The following PCDHA1 variants were observed in gnomAD, a reference collection of about 807,000 sequenced individuals.
PCDHA1 encodes the protein protocadherin alpha 1.
A neutral mutation model predicts 61.3 loss-of-function variants in PCDHA1; 42 were observed. The observed-to-expected ratio is 0.69, with a 90% CI of 0.54 to 0.89. PCDHA1 has a LOEUF of 0.89. Among genes scored for constraint, PCDHA1 ranks in the 40% least tolerant of loss-of-function variants. The probability of loss-of-function intolerance (pLI) is 0.00; values close to 1 mark genes in which losing one functional copy is unlikely to be tolerated. For synonymous variants in PCDHA1, 610 were observed against 553.8 expected (o/e 1.10, Z -1.43); for missense variants, 1,256 against 1,235.3 (o/e 1.02, Z -0.25).
chr5:140,842,094 G>C (rs2150329211), intron 1 of PCDHA1: 1 of 1,613,884 alleles, frequency 6.2e-7, no homozygotes, highest in South Asian at 1.1e-5. Context: ...GCAGACAACG[G>C]AACAACAGTT....
At chr5:140,882,346 G>T (rs146510190) in intron 1 of PCDHA1, 36 of 1,614,194 alleles carry the variant, frequency 2.2e-5, no homozygotes, top group Non-Finnish European at 2.9e-5. Flanking sequence ...CCTGGGAGAC[G>T]GGTAGTGGCC....
In PCDHA1 at chr5:140,843,447, G is replaced by T. The variant is rs2150360204; in HGVS notation, c.2394+54763G>T. The stretch of plus-strand genomic sequence containing the variant: ...ATCATCGCCATCTGCGCGGTATCCA[G>T]CCTGCTGGTGCTCACGCTGCTGCTG... On this transcript the variant is annotated intron_variant, in intron 1 of 3. Coordinates refer to ENST00000504120, the MANE Select transcript of PCDHA1 (RefSeq NM_018900.4). 44 of 1,596,056 alleles carry T rather than the reference G, an allele frequency of 2.8e-5. 4 individuals carry two copies. The highest frequency in any genetic ancestry group is 3.3e-4 in the Middle Eastern group (2 of 6,002).
intron 1 of PCDHA1, among the ~76,000 whole-genome samples, chr5:140,837,365 T>C (rs1775021898): frequency 6.6e-6 from 1 of 152,028 alleles, no homozygotes; most frequent in African/African-American, 2.4e-5. Context: ...GGCAGTTTAA[T>C]AGTATTTTTT....
At chr5:140,846,314 A>T (rs888599535) in intron 1 of PCDHA1, among the ~76,000 whole-genome samples, 1 of 148,000 alleles carries the variant, frequency 6.8e-6, no homozygotes, top group African/African-American at 2.5e-5. Context: ...CCATTTATGT[A>T]GAGTGTTGTA....
chr5:140,857,531 G>A, intron 1 of PCDHA1: 2 of 1,597,582 alleles, frequency 1.3e-6, no homozygotes, highest in East Asian at 2.2e-5. Context: ...CTCTCTGGTG[G>A]AGCGGCGGTT....
intron 1 of PCDHA1, among the ~76,000 whole-genome samples, chr5:140,971,967 A>C (rs2096509788): frequency 6.6e-6 from 1 of 152,118 alleles, no homozygotes; most frequent in Non-Finnish European, 1.5e-5. Flanking sequence ...ACTTTTTTTC[A>C]ATACTATGAG....
intron 1 of PCDHA1, chr5:140,821,836 G>T: frequency 6.2e-7 from 1 of 1,614,108 alleles, no homozygotes. Context: ...GCTTCTCCTT[G>T]CCTACTGGAA....
intron 1 of PCDHA1, chr5:140,821,808 C>T: frequency 6.2e-7 from 1 of 1,613,554 alleles, no homozygotes; most frequent in Non-Finnish European, 8.5e-7. Flanking sequence ...GTCTGGGATC[C>T]CGGCTCCTGC....
At chr5:140,856,946 G>A (rs372611675) in intron 1 of PCDHA1, 3 of 1,593,218 alleles carry the variant, frequency 1.9e-6, no homozygotes, top group East Asian at 2.2e-5. Context: ...AAGGACGGGA[G>A]AAATAAAAGT....
Position 140,842,564 on chromosome 5 carries a change from C to G in PCDHA1, c.2394+53880C>G, listed in dbSNP as rs2150339268. 40 of 1,500,320 alleles carry G rather than the reference C, an allele frequency of 2.7e-5. 2 individuals carry two copies. In the East Asian group the frequency reaches 6.6e-4, roughly 25 times the overall value. The allele number at this position is 1,500,320 out of a possible 1,614,324, so 92.9% of individuals were successfully genotyped here. A position where few individuals can be genotyped will look rare whatever the true frequency, so the allele number is the denominator to read the frequency against. On this transcript the variant is annotated intron_variant, in intron 1 of 3. Transcript: ENST00000504120. ...GTTGGTGCTGGACAGCGCCCTGGAC[C>G]GCGAGAGAGTGTCGGCCTATGAGTT...
chr5:140,793,386 A>G (rs1296784848), intron 1 of PCDHA1, among the ~76,000 whole-genome samples: 2 of 152,158 alleles, frequency 1.3e-5, no homozygotes, highest in Non-Finnish European at 2.9e-5. Context: ...TTAACTTGGG[A>G]TTTACTGTTA....
In PCDHA1 at chr5:140,807,453, G is replaced by T. The variant is rs1223020779; in HGVS notation, c.2394+18769G>T. 6.2e-7 allele frequency: 1 copy of T among 1,607,486 alleles called. No individual in the cohort carries two copies. Among genetic ancestry groups the T allele is most frequent in the East Asian group, 2.2e-5 (1 of 44,674 alleles). On this transcript the variant is annotated intron_variant, in intron 1 of 3. Coordinates refer to ENST00000504120, the MANE Select transcript of PCDHA1 (RefSeq NM_018900.4). ...AATGGCATTTTGTTTGTGAATTCTC[G>T]GATCGACCGGGAGGAGCTGTGCCGG... is the stretch of plus-strand genomic sequence containing the variant.
At chr5:140,869,588 T>G (rs1404476349) in intron 1 of PCDHA1, 7 of 1,613,996 alleles carry the variant, frequency 4.3e-6, no homozygotes, top group Non-Finnish European at 5.9e-6. Flanking sequence ...GATGCTGACA[T>G]TGAAGAGAAT....
At chr5:140,823,720 C>T in intron 1 of PCDHA1, 1 of 1,613,952 alleles carries the variant, frequency 6.2e-7, no homozygotes, top group Non-Finnish European at 8.5e-7. Context: ...CCTTCTGGTG[C>T]TGGTGAAGGA....
Position 140,802,481 on chromosome 5 carries a change from G to A in PCDHA1, c.2394+13797G>A, listed in dbSNP as rs782571599. On this transcript the variant is annotated intron_variant, in intron 1 of 3. Transcript: ENST00000504120. ...CCTATGAGCTGGTGGTGACTGCTCG[G>A]GACGGGGGCTCGCCTTCACTGTGGG... 9 of 1,614,196 alleles carry A rather than the reference G, an allele frequency of 5.6e-6. No individual in the cohort carries two copies. In the East Asian group the frequency reaches 8.9e-5, roughly 16 times the overall value.
intron 1 of PCDHA1, among the ~76,000 whole-genome samples, chr5:140,913,152 T>G (rs2076232515): frequency 6.6e-6 from 1 of 152,178 alleles, no homozygotes; most frequent in Admixed American, 6.5e-5. Context: ...ATAGTTTGAG[T>G]AGGATTGGTA....
At chr5:140,997,481 A>G (rs1563624223) in intron 3 of PCDHA1, among the ~76,000 whole-genome samples, 1 of 152,224 alleles carries the variant, frequency 6.6e-6, no homozygotes, top group Non-Finnish European at 1.5e-5. Flanking sequence ...ACACAATGAT[A>G]AGTATTTGTG....
Position 140,787,239 on chromosome 5 carries a change from G to C in PCDHA1, c.949G>C (p.Glu317Gln). The C allele has an allele frequency of 6.2e-7, 1 of 1,614,120 alleles. No individual in the cohort carries two copies. Among genetic ancestry groups the C allele is most frequent in the Non-Finnish European group, 8.5e-7 (1 of 1,180,012 alleles). ...GGATTATGAAGAAACAAAATCCTAC[G>C]AAATTCAAGTAAAGGCAGTTGATAA... ...KLDYEETKSYEIQVKAVDKGS... is the reference protein window; with the variant it reads ...KLDYEETKSYQIQVKAVDKGS... Residue 317 changes from glutamate (E) to glutamine (Q), a missense_variant, in exon 1 of 4, where the codon GAA (glutamate) becomes CAA (glutamine). Physicochemically the swap from Glu to Gln is conservative, Grantham distance 29 (BLOSUM62 2). Transcript: ENST00000504120.
At position 140,835,689 on chromosome 5, in the gene PCDHA1, T is replaced by C. The variant is rs2150242026; in HGVS notation, c.2394+47005T>C. The C allele has an allele frequency of 1.2e-5, 19 of 1,613,884 alleles. No homozygotes were observed. The Middle Eastern group carries it at 6.6e-4, about 56-fold the overall frequency. ...GCGGGACGGGGGCTCGCCTTCTCTG[T>C]GGGCCACTGCTAGCGTGTCCGTGGA... On this transcript the variant is annotated intron_variant, in intron 1 of 3. Coordinates refer to ENST00000504120, the MANE Select transcript of PCDHA1 (RefSeq NM_018900.4).
Sources: gnomAD v4.1 joint callset for allele counts (sites outside exome capture counted in the v4.1 genomes callset) on GRCh38, gnomAD v4.1.1 for gene constraint, MANE v1.5 for transcripts, NCBI Gene and HGNC (gene_info 2026-07-23, HGNC 2026-07-21) for gene names.